The following ANGPT2 variants were observed in gnomAD, a reference collection of about 807,000 sequenced individuals.
ANGPT2 encodes the protein angiopoietin 2.
A neutral mutation model predicts 62.9 loss-of-function variants in ANGPT2; 28 were observed. The observed-to-expected ratio is 0.44, with a 90% CI of 0.33 to 0.61. The LOEUF (loss-of-function observed/expected upper bound fraction) is 0.61, where lower values mean the gene tolerates loss of function less well. ANGPT2 is among the 20% of genes least tolerant of loss of function. ANGPT2 has a pLI of 0.03. For missense variants in ANGPT2, 727 were observed against 594.9 expected (o/e 1.22, Z -2.31); for synonymous variants, 284 against 207.8 (o/e 1.37, Z -3.15).
At position 6,519,917 on chromosome 8, in the gene ANGPT2, T is replaced by A; in HGVS notation, c.874A>T (p.Thr292Ser). The stretch of plus-strand genomic sequence containing the variant: ...GTTAACGTGTAGATGCCATTCGTGG[T>A]GTGTCCTGATTTGAATACTTCAGCA... ...DCAEVFKSGH[T>S]TNGIYTLTFP... is the part of the protein sequence containing the mutation. The change falls in exon 5 of 9, where the codon ACC (threonine) becomes TCC (serine). Residue 292 changes from threonine to serine, a missense_variant. Thr to Ser is a moderately conservative substitution (Grantham distance 58). Transcript: ENST00000629816. 1 of 1,613,554 alleles carries A rather than the reference T, an allele frequency of 6.2e-7. No individual in the cohort carries two copies. The highest frequency in any genetic ancestry group is 8.5e-7 in the Non-Finnish European group (1 of 1,179,772).
intron 8 of ANGPT2, 56 bp from the exon 9 acceptor site, chr8:6,503,317 C>T (rs779212052): frequency 8.8e-6 from 14 of 1,591,526 alleles, no homozygotes; most frequent in Middle Eastern, 1.7e-4. Flanking sequence ...GCTCCCACCA[C>T]GAAGACAGCA....
In ANGPT2 at chr8:6,532,473, G is replaced by A. The variant is rs760728966; in HGVS notation, c.303C>T (p.Ile101=). The A allele has an allele frequency of 6.8e-6, 11 of 1,611,474 alleles. No individual in the cohort carries two copies. The East Asian group carries it at 2.0e-4, about 29-fold the overall frequency. Residue 101 remains isoleucine, a synonymous_variant, in exon 2 of 9, where the codon ATC becomes ATT. Transcript: ENST00000629816. ...CCATTTCTTTCTTCATGTTGTCCTGGATATAATTCTCAAGCTAGAAAAGAA... is the reference window on the plus strand; with the variant it reads ...CCATTTCTTTCTTCATGTTGTCCTGAATATAATTCTCAAGCTAGAAAAGAA... ...TQWLMKLENY[I]QDNMKKEMVE...
Position 6,500,217 on chromosome 8 carries a change from G to A in ANGPT2, c.*2884C>T. 1 of 408,850 alleles carries A rather than the reference G, an allele frequency of 2.4e-6. No homozygotes were observed. Among genetic ancestry groups the A allele is most frequent in the South Asian group, 2.3e-5 (1 of 43,240 alleles). The allele number at this position is 408,850 out of a possible 1,614,324, so 25.3% of individuals were successfully genotyped here. A position where few individuals can be genotyped will look rare whatever the true frequency, so the allele number is the denominator to read the frequency against. On this transcript the variant is annotated 3_prime_UTR_variant, in exon 9 of 9. Transcript: ENST00000629816. The stretch of plus-strand genomic sequence containing the variant: ...AAATGAAAAAAGACTGAATTCTTGG[G>A]CAGGTAGTCTTATATCTTGCTTAAT...
At chr8:6,553,683 A>G (rs1256125041) in intron 1 of ANGPT2, among the ~76,000 whole-genome samples, 5 of 139,346 alleles carry the variant, frequency 3.6e-5, no homozygotes, top group African/African-American at 1.4e-4. Flanking sequence ...TTTTTTTTTT[A>G]CCTCTCCCCT....
At chr8:6,516,998 C>G (rs1351463861) in intron 5 of ANGPT2, among the ~76,000 whole-genome samples, 2 of 152,088 alleles carry the variant, frequency 1.3e-5, no homozygotes, top group African/African-American at 4.8e-5. Context: ...AGTACTTCAT[C>G]CAGGTTTTTA....
At chr8:6,505,417 A>G (rs374951044) in intron 8 of ANGPT2, among the ~76,000 whole-genome samples, 1,170 of 70,370 alleles carry the variant, frequency 0.017, 197 homozygotes, top group South Asian at 0.063. Context: ...TATTCTTTAT[A>G]TACATAAAGA....
rs534595782 is a variant in ANGPT2, at chr8:6,502,897, T to C, written c.*204A>G. 3.2e-5 allele frequency: 18 copies of C among 565,562 alleles called. No homozygotes were observed. In the South Asian group the frequency reaches 4.6e-4, roughly 14 times the overall value. 35.0% of individuals were successfully genotyped at this position (565,562 alleles called of 1,614,324 possible). A position where few individuals can be genotyped will look rare whatever the true frequency, so the allele number is the denominator to read the frequency against. Reference sequence around the variant, plus strand: ...CTGTCTAATCACAATTATGGATGTTTAGGGTCTTGCTTTGGTCCGTTAAGT... The same window carrying C: ...CTGTCTAATCACAATTATGGATGTTCAGGGTCTTGCTTTGGTCCGTTAAGT... On this transcript the variant is annotated 3_prime_UTR_variant, in exon 9 of 9. Transcript: ENST00000629816.
rs553872505 is a variant in ANGPT2 at position 6,556,838 on chromosome 8, C to T, written c.288+5809G>A. 7.9e-5 allele frequency among the ~76,000 whole-genome samples: 12 copies of T among 152,244 alleles called. No homozygotes were observed. In the South Asian group the frequency reaches 2.3e-3, roughly 29 times the overall value. On this transcript the variant is annotated intron_variant, in intron 1 of 8. Transcript: ENST00000629816. ...TCCTGGCCTCAAAGTGTCTTCCCAT[C>T]TTGGCCTCTCAAAGCTCTAGGATTA... is the stretch of plus-strand genomic sequence containing the variant.
chr8:6,515,688 G>C (rs1302575875), intron 5 of ANGPT2, among the ~76,000 whole-genome samples: 1 of 152,168 alleles, frequency 6.6e-6, no homozygotes, highest in Non-Finnish European at 1.5e-5. Context: ...ATGTTTTCCA[G>C]AAAGTAAGAT....
intron 2 of ANGPT2, among the ~76,000 whole-genome samples, chr8:6,529,472 G>C (rs1285845857): frequency 7.1e-6 from 1 of 141,150 alleles, no homozygotes; most frequent in Admixed American, 7.2e-5. Flanking sequence ...TTTTTTTTGA[G>C]ACAGAGTCTC....
At chr8:6,508,029 C>T (rs538022019) in intron 8 of ANGPT2, 4 of 152,196 alleles carry the variant, frequency 2.6e-5, no homozygotes, top group African/African-American at 7.2e-5. Context: ...CAGTGTAATA[C>T]CAAACCTACA....
rs774353163 is a variant in ANGPT2 at position 6,508,985 on chromosome 8, T to G, written c.1274A>C (p.Lys425Thr). 1 of 1,614,206 alleles carries G rather than the reference T, an allele frequency of 6.2e-7. No individual in the cohort carries two copies. Among genetic ancestry groups the G allele is most frequent in the East Asian group, 2.2e-5 (1 of 44,886 alleles). ...ISQPGNDFST[K>T]DGDNDKCICK... The stretch of plus-strand genomic sequence containing the variant: ...AATACATTTGTCGTTGTCTCCATCC[T>G]TTGTGCTAAAATCATTTCCTGGTTG... The change falls in exon 8 of 9, where the codon AAG becomes ACG. Residue 425 changes from lysine to threonine, a missense_variant. Transcript: ENST00000629816.
intron 1 of ANGPT2, among the ~76,000 whole-genome samples, chr8:6,544,911 T>C (rs773456673): frequency 2.0e-5 from 3 of 152,230 alleles, no homozygotes; most frequent in Non-Finnish European, 4.4e-5. Flanking sequence ...GTCAGTAGTC[T>C]CACTAGTTTT....
At position 6,502,532 on chromosome 8, in the gene ANGPT2, G is replaced by C. The variant is rs776327652; in HGVS notation, c.*569C>G. On this transcript the variant is annotated 3_prime_UTR_variant, in exon 9 of 9. Transcript: ENST00000629816. ...TGAAATAAAAATTTAAAGCACCTAA[G>C]AGATGGAGTAAAAATGCACTAACTG... 1.3e-5 allele frequency: 2 copies of C among 152,194 alleles called. No homozygotes were observed. The highest frequency in any genetic ancestry group is 6.5e-5 in the Admixed American group (1 of 15,278). 9.4% of individuals were successfully genotyped at this position (152,194 alleles called of 1,614,324 possible). A position where few individuals can be genotyped will look rare whatever the true frequency, so the allele number is the denominator to read the frequency against.
intron 8 of ANGPT2, among the ~76,000 whole-genome samples, chr8:6,505,331 A>ATT (rs1563306161): frequency 1.7e-5 from 1 of 57,734 alleles, no homozygotes; most frequent in African/African-American, 1.0e-4. Flanking sequence ...TTATATACAT[A>ATT]TAGAAAGAAT....
chr8:6,560,865 C>G (rs774711205), intron 1 of ANGPT2, among the ~76,000 whole-genome samples: 2 of 152,190 alleles, frequency 1.3e-5, no homozygotes, highest in African/African-American at 4.8e-5. Flanking sequence ...GTTAATTAAG[C>G]AAATACAATG....
Position 6,527,688 on chromosome 8 carries a change from A to C in ANGPT2, c.445-12T>G, listed in dbSNP as rs201316725. 84 of 1,594,360 alleles carry C rather than the reference A, an allele frequency of 5.3e-5. No homozygotes were observed. Among genetic ancestry groups the C allele is most frequent in the Non-Finnish European group, 1.2e-5 (14 of 1,172,786 alleles). On this transcript the variant is annotated splice_polypyrimidine_tract_variant and intron_variant, in intron 2 of 8. Transcript: ENST00000629816. ...GTCTGATTTAATACCTAAATGTAAC[A>C]AAATGAAGTTCCTATTAATTATTTT...
chr8:6,523,028 C>T (rs1190339400), intron 3 of ANGPT2, among the ~76,000 whole-genome samples: 8 of 151,672 alleles, frequency 5.3e-5, no homozygotes, highest in South Asian at 2.1e-4. Flanking sequence ...GATGGAGTCT[C>T]GCTCTGTCAC....
intron 7 of ANGPT2, among the ~76,000 whole-genome samples, chr8:6,512,190 C>G (rs972635153): frequency 6.6e-6 from 1 of 152,162 alleles, no homozygotes. Flanking sequence ...CTCAAACATG[C>G]TTCTGAATTT....
Sources: gnomAD v4.1 joint callset for allele counts (sites outside exome capture counted in the v4.1 genomes callset) on GRCh38, gnomAD v4.1.1 for gene constraint, MANE v1.5 for transcripts, NCBI Gene and HGNC (gene_info 2026-07-23, HGNC 2026-07-21) for gene names.